PBRM1: variants seen among roughly 807,000 people sequenced by gnomAD.
The protein encoded by PBRM1 is polybromo 1.
PBRM1 carries 27 observed loss-of-function variants against 194.5 expected under a neutral mutation model. That is an observed-to-expected ratio of 0.14 (90% CI 0.10 to 0.19). PBRM1 has a LOEUF of 0.19. Among genes scored for constraint, PBRM1 ranks in the 10% least tolerant of loss-of-function variants. PBRM1 has a pLI of 1.00. For missense variants in PBRM1, 1,466 were observed against 2,077.2 expected, an observed-to-expected ratio of 0.71 and a Z score of 5.72; for synonymous variants, 655 against 693.2, an observed-to-expected ratio of 0.94 and a Z score of 0.87.
At chr3:52,659,789 T>C (rs1312549133) in intron 4 of PBRM1, among the ~76,000 whole-genome samples, 2 of 152,056 alleles carry the variant, frequency 1.3e-5, no homozygotes, top group African/African-American at 4.8e-5. Context: ...TGAGAATCAT[T>C]GAGTTATAAA....
exon 24 of PBRM1, chr3:52,563,445 C>G: frequency 6.2e-7 from 1 of 1,614,090 alleles, no homozygotes; most frequent in East Asian, 2.2e-5. Flanking sequence ...GCAACTGGAT[C>G]TTCTTTTCCA....
At chr3:52,668,232 G>A (rs1377369898) in intron 3 of PBRM1, among the ~76,000 whole-genome samples, 2 of 152,220 alleles carry the variant, frequency 1.3e-5, no homozygotes, top group Non-Finnish European at 2.9e-5. Context: ...GGGAGGCGGA[G>A]GCTGCCATGA....
At chr3:52,614,477 T>C (rs947249552) in intron 15 of PBRM1, among the ~76,000 whole-genome samples, 1 of 151,204 alleles carries the variant, frequency 6.6e-6, no homozygotes, top group African/African-American at 2.4e-5. Flanking sequence ...TTGCTTGGTA[T>C]CTATTTTATT....
At chr3:52,659,808 G>A (rs1412133253) in intron 4 of PBRM1, among the ~76,000 whole-genome samples, 1 of 152,112 alleles carries the variant, frequency 6.6e-6, no homozygotes, top group Non-Finnish European at 1.5e-5. Context: ...AAGAGTCTTG[G>A]GGTCTGGCAT....
At chr3:52,547,984 C>G (rs1031052687), downstream of PBRM1, 3 of 1,208,360 alleles carry the variant, frequency 2.5e-6, no homozygotes, top group Non-Finnish European at 3.6e-6. Context: ...TTTGTTCCTT[C>G]CCCCCACCCC....
intron 1 of PBRM1, 43 bp downstream of exon 2, chr3:52,679,531 T>C (rs890115596): frequency 3.2e-6 from 5 of 1,568,006 alleles, no homozygotes; most frequent in Admixed American, 3.7e-5. Context: ...ATAGGGGAAT[T>C]GTGGGAAGAG....
chr3:52,643,568 G>A (rs1397706898), intron 8 of PBRM1, among the ~76,000 whole-genome samples: 1 of 152,178 alleles, frequency 6.6e-6, no homozygotes, highest in Non-Finnish European at 1.5e-5. Context: ...GTGACCAGAG[G>A]ACCTGGTACT....
chr3:52,634,562 C>A (rs2153642070), intron 11 of PBRM1, 40 bp downstream of exon 12: 1 of 1,316,108 alleles, frequency 7.6e-7, no homozygotes. Context: ...TCAGCCACAA[C>A]AAAATAAAAT....
intron 13 of PBRM1, among the ~76,000 whole-genome samples, chr3:52,618,490 CTAAAGAAATTCTAGCCAGA>C (rs772981531): frequency 8.3e-4 from 126 of 152,072 alleles, no homozygotes; most frequent in Non-Finnish European, 1.5e-3. Context: ...CAGGGCACGG[CTAAAGAAATTCTAGCCAGA>C]TAAAGAAATT....
At chr3:52,595,824 G>A (rs1180281174) in intron 17 of PBRM1, among the ~76,000 whole-genome samples, 1 of 152,092 alleles carries the variant, frequency 6.6e-6, no homozygotes, top group Non-Finnish European at 1.5e-5. Flanking sequence ...TTTGTACATG[G>A]CAAGAGACGG....
chr3:52,675,073 A>G (rs1171929097), intron 2 of PBRM1, among the ~76,000 whole-genome samples: 2 of 152,224 alleles, frequency 1.3e-5, no homozygotes, highest in African/African-American at 4.8e-5. Flanking sequence ...CCACAAAAAT[A>G]AAAAGGATTA....
At chr3:52,651,929 A>C in intron 5 of PBRM1, 119 bp from the exon 7 acceptor site, 1 of 642,114 alleles carries the variant, frequency 1.6e-6, no homozygotes, top group Non-Finnish European at 2.7e-6. Flanking sequence ...TGTGAGATTC[A>C]AGACTAAAGA....
upstream of PBRM1, among the ~76,000 whole-genome samples, chr3:52,680,791 A>C (rs2097191127): frequency 6.6e-6 from 1 of 152,096 alleles, no homozygotes; most frequent in East Asian, 1.9e-4. Context: ...CCTCCAGAGT[A>C]TCTGGGACTA....
intron 13 of PBRM1, among the ~76,000 whole-genome samples, chr3:52,620,575 A>G (rs1445256072): frequency 6.6e-6 from 1 of 152,184 alleles, no homozygotes; most frequent in Non-Finnish European, 1.5e-5. Context: ...GCAGATTTTT[A>G]TAAGAGGAGA....
At chr3:52,548,213 C>G (rs907606869) in exon 30 of PBRM1, 1 of 1,587,896 alleles carries the variant, frequency 6.3e-7, no homozygotes, top group Non-Finnish European at 8.5e-7. Flanking sequence ...GTTCTTTCGA[C>G]AAATGGACGT....
chr3:52,585,264 C>T (rs1403439889), intron 20 of PBRM1, among the ~76,000 whole-genome samples: 2 of 152,092 alleles, frequency 1.3e-5, no homozygotes, highest in African/African-American at 4.8e-5. Flanking sequence ...TTCTTGTTCT[C>T]CCTGCTCTGA....
At position 52,581,181 on chromosome 3, in the gene PBRM1, T is replaced by C. The variant is rs535749171; in HGVS notation, c.3388-1982A>G. Among the ~76,000 whole-genome samples the C allele has an allele frequency of 2.0e-5, 3 of 152,370 alleles. No individual in the cohort carries two copies. In the South Asian group the frequency reaches 6.2e-4, roughly 32 times the overall value. Reference sequence around the variant, plus strand: ...ACATTCTGATCTTTATGACTTCAAATGTGATACTGAAATGGTATTCTTGGA... The same window carrying C: ...ACATTCTGATCTTTATGACTTCAAACGTGATACTGAAATGGTATTCTTGGA... On this transcript the variant is annotated intron_variant, in intron 20 of 29. Transcript: ENST00000296302.
rs149887165 is a variant in PBRM1 at position 52,573,450 on chromosome 3, C to T, written c.3691+3091G>A. Among the ~76,000 whole-genome samples, 16 of 152,202 alleles carry T rather than the reference C, an allele frequency of 1.1e-4. No individual in the cohort carries two copies. The East Asian group carries it at 1.9e-3, about 18-fold the overall frequency. ...CTGGGATTACAGGTGCACACCACCA[C>T]GCCCGGCTAATTTTTGTATTTTTAG... is the stretch of plus-strand genomic sequence containing the variant. On this transcript the variant is annotated intron_variant, in intron 22 of 29. Transcript: ENST00000296302.
exon 19 of PBRM1, chr3:52,587,396 G>A: frequency 1.2e-6 from 2 of 1,610,102 alleles, no homozygotes; most frequent in South Asian, 1.1e-5. Flanking sequence ...TTTACTAACT[G>A]GAACTTTGTT....
Sources: allele counts gnomAD v4.1 joint callset (sites outside exome capture counted in the v4.1 genomes callset), GRCh38; gene constraint gnomAD v4.1.1; transcripts MANE v1.5; gene names NCBI Gene and HGNC (gene_info 2026-07-23, HGNC 2026-07-21).